RBPJ: variants seen among roughly 807,000 people sequenced by gnomAD.
RBPJ encodes recombination signal binding protein for immunoglobulin kappa J region.
A neutral mutation model predicts 67.8 loss-of-function variants in RBPJ; 9 were observed. The ratio of observed to expected loss-of-function variants is 0.13; its 90% CI spans 0.08 to 0.23. The LOEUF is 0.23. Ranked by LOEUF, RBPJ falls within the 10% of genes least tolerant of loss-of-function variation. The probability of loss-of-function intolerance (pLI) is 1.00; values close to 1 mark genes in which losing one functional copy is unlikely to be tolerated. For missense variants in RBPJ, 305 were observed against 595.6 expected, an observed-to-expected ratio of 0.51 and a Z score of 5.08; for synonymous variants, 198 against 203.3, an observed-to-expected ratio of 0.97 and a Z score of 0.22.
rs1363593446 is a variant in RBPJ at position 26,429,996 on chromosome 4, G to A, written c.987G>A (p.Glu329=). 6.2e-7 allele frequency: 1 copy of A among 1,613,988 alleles called. No individual in the cohort carries two copies. Among genetic ancestry groups the A allele is most frequent in the African/African-American group, 1.3e-5 (1 of 74,920 alleles). Residue 329 remains glutamate, a synonymous_variant, in exon 9 of 11, where the codon GAG becomes GAA. Transcript: ENST00000355476. ...ATAAGGCAGAGTATACATTTTATGA[G>A]GGAATGGGCCCTGTCCTTGCCCCAG... The part of the protein sequence containing the change: ...STDKAEYTFY[E]GMGPVLAPVT...
At chr4:26,253,868 T>G (rs1434889785) in intron 1 of RBPJ, among the ~76,000 whole-genome samples, 2 of 148,954 alleles carry the variant, frequency 1.3e-5, no homozygotes, top group East Asian at 3.9e-4. Flanking sequence ...TGGGGTGTAA[T>G]GAGGGTGGAG....
intron 1 of RBPJ, among the ~76,000 whole-genome samples, chr4:26,314,063 T>C (rs1415576908): frequency 1.3e-5 from 2 of 152,196 alleles, no homozygotes; most frequent in African/African-American, 4.8e-5. Context: ...GAGTCCTTTA[T>C]AAGAAAGCAG....
intron 1 of RBPJ, among the ~76,000 whole-genome samples, chr4:26,288,293 T>C (rs1721546677): frequency 6.6e-6 from 1 of 152,186 alleles, no homozygotes; most frequent in South Asian, 2.1e-4. Context: ...GGACATACAG[T>C]CTTCTGAAAA....
intron 1 of RBPJ, among the ~76,000 whole-genome samples, chr4:26,214,622 AAAAAGAGAAAGAAAAAG>A (rs1163383927): frequency 1.1e-5 from 1 of 95,172 alleles, no homozygotes; most frequent in African/African-American, 5.2e-5. Context: ...ATGAAAAAGA[AAAAAGAGAAAGAAAAAG>A]AAAAAAGAAA....
At chr4:26,332,601 T>C (rs1439271591) in intron 1 of RBPJ, among the ~76,000 whole-genome samples, 1 of 152,228 alleles carries the variant, frequency 6.6e-6, no homozygotes, top group Non-Finnish European at 1.5e-5. Context: ...ATAATCATCT[T>C]GATTATTTTT....
upstream of RBPJ, chr4:26,319,876 T>C: frequency 9.6e-6 from 14 of 1,459,838 alleles, no homozygotes; most frequent in Non-Finnish European, 1.3e-5. Flanking sequence ...AGGGGAAAGA[T>C]GGGGGGCTGC....
At chr4:26,244,162 T>C (rs113855365) in intron 1 of RBPJ, among the ~76,000 whole-genome samples, 3,209 of 137,918 alleles carry the variant, frequency 0.023, 105 homozygotes, top group East Asian at 0.064. Context: ...TATATGTATA[T>C]ATATATGTAT....
At chr4:26,415,201 CAAAG>C (rs2109783647) in intron 3 of RBPJ, among the ~76,000 whole-genome samples, 1 of 152,232 alleles carries the variant, frequency 6.6e-6, no homozygotes, top group South Asian at 2.1e-4. Flanking sequence ...CTGAGCCATA[CAAAG>C]AGAAGTTCTG....
intron 1 of RBPJ, among the ~76,000 whole-genome samples, chr4:26,214,975 G>GGAGGGAGGAAGGACT (rs1718623271): frequency 3.2e-5 from 1 of 30,878 alleles, no homozygotes; most frequent in Non-Finnish European, 5.1e-5. Flanking sequence ...AGGGAGGGAG[G>GGAGGGAGGAAGGACT]GAAGGAAGGA....
chr4:26,283,396 T>G (rs1721346831), intron 1 of RBPJ, among the ~76,000 whole-genome samples: 1 of 151,134 alleles, frequency 6.6e-6, no homozygotes, highest in African/African-American at 2.4e-5. Context: ...ACTACAAAAA[T>G]TAGCTGGTAG....
At chr4:26,168,687 C>A (rs1172099948) in intron 1 of RBPJ, among the ~76,000 whole-genome samples, 1 of 152,230 alleles carries the variant, frequency 6.6e-6, no homozygotes, top group African/African-American at 2.4e-5. Context: ...GTTCCATTCT[C>A]CCCGTCACTT....
At chr4:26,406,106 C>T (rs1050793608) in intron 2 of RBPJ, 69 bp from the exon 3 acceptor site, 163 of 979,978 alleles carry the variant, frequency 1.7e-4, no homozygotes, top group Non-Finnish European at 1.7e-4. Flanking sequence ...CATTACAGAG[C>T]GTAGTAATGA....
chr4:26,142,512 G>C, the RBPJ span, among the ~76,000 whole-genome samples: 2 of 152,196 alleles, frequency 1.3e-5, no homozygotes, highest in African/African-American at 2.4e-5. Context: ...GGAGTAGAAG[G>C]CTCTTGGATG....
chr4:26,166,040 C>T (rs1351138845), intron 1 of RBPJ, among the ~76,000 whole-genome samples: 1 of 150,810 alleles, frequency 6.6e-6, no homozygotes, highest in African/African-American at 2.5e-5. Context: ...CTACAAAGGA[C>T]ATGAACTCAT....
At chr4:26,203,134 T>C (rs761153226) in intron 1 of RBPJ, among the ~76,000 whole-genome samples, 5 of 152,188 alleles carry the variant, frequency 3.3e-5, no homozygotes, top group Admixed American at 6.5e-5. Flanking sequence ...CTGTTTGAGG[T>C]CCAGTCTTAT....
At chr4:26,313,753 T>G (rs551121852) in intron 1 of RBPJ, among the ~76,000 whole-genome samples, 1 of 152,014 alleles carries the variant, frequency 6.6e-6, no homozygotes. Flanking sequence ...GAAGAATTGC[T>G]TGAACTTGGG....
intron 3 of RBPJ, among the ~76,000 whole-genome samples, chr4:26,414,840 G>A (rs1484556020): frequency 6.6e-6 from 1 of 152,160 alleles, no homozygotes; most frequent in Non-Finnish European, 1.5e-5. Flanking sequence ...TTGAGCATGA[G>A]ATATTTCTCA....
At chr4:26,221,061 C>T (rs1447378641) in intron 1 of RBPJ, among the ~76,000 whole-genome samples, 1 of 152,132 alleles carries the variant, frequency 6.6e-6, no homozygotes. Context: ...ATATTAATAT[C>T]CACAATCTTC....
At chr4:26,377,748 T>A (rs1304655860) in intron 1 of RBPJ, among the ~76,000 whole-genome samples, 2 of 152,238 alleles carry the variant, frequency 1.3e-5, no homozygotes, top group Admixed American at 1.3e-4. Flanking sequence ...CTTATCTGCC[T>A]TTCTCTGTTT....
Sources: allele counts gnomAD v4.1 joint callset (sites outside exome capture counted in the v4.1 genomes callset), GRCh38; gene constraint gnomAD v4.1.1; transcripts MANE v1.5; gene names NCBI Gene and HGNC (gene_info 2026-07-23, HGNC 2026-07-21).